Variants in CHRNB2 observed in about 807,000 individuals in gnomAD.
CHRNB2 encodes the protein neuronal acetylcholine receptor subunit beta-2.
CHRNB2 carries 33 observed loss-of-function variants against 42.7 expected under a neutral mutation model. That is an observed-to-expected ratio of 0.77 (90% CI 0.59 to 1.03). The LOEUF is 1.03. Among genes scored for constraint, CHRNB2 ranks in the 50% least tolerant of loss-of-function variants. The pLI is 0.00. For synonymous variants in CHRNB2, 325 were observed against 292.9 expected (o/e 1.11, Z -1.12); for missense variants, 603 against 700.9 (o/e 0.86, Z 1.58).
chr1:154,568,023 G>T lies in CHRNB2; in HGVS notation c.-22G>T. 2 of 1,561,572 alleles carry T rather than the reference G, an allele frequency of 1.3e-6. No homozygotes were observed. Among genetic ancestry groups the T allele is most frequent in the South Asian group, 1.2e-5 (1 of 84,832 alleles). ...GGCGCGCTCCAGCCGGTGTAGGCGA[G>T]GCAGCGAGCTATGCCCGCGGCATGG... On this transcript the variant is annotated 5_prime_UTR_variant, in exon 1 of 6. It adds an upstream start codon to the 5' untranslated region. Coordinates refer to ENST00000368476, the MANE Select transcript of CHRNB2 (RefSeq NM_000748.3).
Position 154,575,805 on chromosome 1 carries a change from T to C in CHRNB2, c.1382T>C (p.Leu461Pro), listed in dbSNP as rs1696261435. The C allele has an allele frequency of 1.2e-6, 2 of 1,614,178 alleles. No individual in the cohort carries two copies. The highest frequency in any genetic ancestry group is 1.7e-5 in the Admixed American group (1 of 60,026). ...WKYVAMVIDR[L>P]FLWIFVFVCV... The stretch of plus-strand genomic sequence containing the variant: ...TACGTCGCCATGGTGATCGACCGCC[T>C]CTTCCTCTGGATCTTTGTCTTTGTC... The change falls in exon 6 of 6, where the codon CTC becomes CCC. Residue 461 changes from leucine to proline, a missense_variant. Around this residue, in one of 2 missense-constraint regions of CHRNB2, gnomAD observed 270 missense variants for 248.3 expected, o/e 1.09. Transcript: ENST00000368476.
intron 5 of CHRNB2, 146 bp downstream of exon 5, chr1:154,572,307 T>C: frequency 1.3e-5 from 19 of 1,473,748 alleles, no homozygotes; most frequent in Non-Finnish European, 1.7e-5. Flanking sequence ...GTTGCGGGCC[T>C]GGGTGCTGGC....
In CHRNB2 at chr1:154,571,195, C is replaced by T. The variant is rs151054217; in HGVS notation, c.372C>T (p.Asp124=). 40 of 1,614,060 alleles carry T rather than the reference C, an allele frequency of 2.5e-5. No homozygotes were observed. Among genetic ancestry groups the T allele is most frequent in the East Asian group, 4.5e-5 (2 of 44,896 alleles). The part of the protein sequence containing the change: ...LPDVVLYNNA[D]GMYEVSFYSN... ...TGTGCCCATCCTTTGGCAGTGCTGA[C>T]GGCATGTACGAGGTGTCCTTCTATT... The change falls in exon 5 of 6, where the codon GAC becomes GAT. Residue 124 remains aspartate, a synonymous_variant. Coordinates refer to ENST00000368476, the MANE Select transcript of CHRNB2 (RefSeq NM_000748.3). This position sits in a 1 kb window ranked among gnomAD's most constrained non-coding sequence, Gnocchi z 6.8.
intron 3 of CHRNB2, 65 bp from the exon 4 acceptor site, chr1:154,570,193 G>C: frequency 8.9e-7 from 1 of 1,123,096 alleles, no homozygotes; most frequent in Non-Finnish European, 1.3e-6. Context: ...CCTCTAGTTC[G>C]TTTCCTTAAC....
At chr1:154,575,387 A>C (rs919433967) in intron 5 of CHRNB2, among the ~76,000 whole-genome samples, 1 of 152,184 alleles carries the variant, frequency 6.6e-6, no homozygotes, top group African/African-American at 2.4e-5. Context: ...TGGGCTTTGA[A>C]AGATATGTAG....
intron 5 of CHRNB2, among the ~76,000 whole-genome samples, chr1:154,572,673 CGGGGTTAGAGAT>C (rs1553204528): frequency 1.3e-5 from 2 of 151,862 alleles, no homozygotes; most frequent in Non-Finnish European, 2.9e-5. Context: ...GCGTTGGTGG[CGGGGTTAGAGAT>C]TCCAGGAGCC....
In CHRNB2 at chr1:154,568,012, G is replaced by A. The variant is rs765878419; in HGVS notation, c.-33G>A. The A allele has an allele frequency of 3.3e-6, 5 of 1,524,566 alleles. No homozygotes were observed. The highest frequency in any genetic ancestry group is 2.6e-5 in the East Asian group (1 of 38,242). The allele number at this position is 1,524,566 out of a possible 1,614,324, so 94.4% of individuals were successfully genotyped here. A position where few individuals can be genotyped will look rare whatever the true frequency, so the allele number is the denominator to read the frequency against. On this transcript the variant is annotated 5_prime_UTR_variant, in exon 1 of 6. Coordinates refer to ENST00000368476, the MANE Select transcript of CHRNB2 (RefSeq NM_000748.3). The stretch of plus-strand genomic sequence containing the variant: ...CTCCCCCCGGCGGCGCGCTCCAGCC[G>A]GTGTAGGCGAGGCAGCGAGCTATGC...
intron 1 of CHRNB2, among the ~76,000 whole-genome samples, chr1:154,569,006 C>T (rs905052264): frequency 6.6e-6 from 1 of 151,496 alleles, no homozygotes; most frequent in East Asian, 2.0e-4. Flanking sequence ...TGTGTCCCAC[C>T]ACACATACAC....
intron 2 of CHRNB2, 82 bp from the exon 3 acceptor site, chr1:154,569,710 G>A (rs951049543): frequency 1.2e-6 from 2 of 1,612,538 alleles, no homozygotes; most frequent in Non-Finnish European, 1.7e-6. Flanking sequence ...AAGGCTTGGG[G>A]AGGTGTGAGA....
intron 5 of CHRNB2, among the ~76,000 whole-genome samples, chr1:154,575,006 T>C (rs930618103): frequency 6.6e-6 from 1 of 152,208 alleles, no homozygotes; most frequent in Non-Finnish European, 1.5e-5. Flanking sequence ...CAGACAGCAT[T>C]ATCTTTTTGA....
intron 5 of CHRNB2, among the ~76,000 whole-genome samples, chr1:154,572,980 C>T (rs1041793081): frequency 6.6e-6 from 1 of 152,198 alleles, no homozygotes; most frequent in African/African-American, 2.4e-5. Flanking sequence ...CAGTCTCTGG[C>T]TACCTGGCTG....
At position 154,575,761 on chromosome 1, in the gene CHRNB2, GGTGA is replaced by G. The variant is rs1696260248; in HGVS notation, c.1344_1347del (p.Ser448ArgfsTer9). ...GGGCCTCCTCCGTCTCCTCCATCCA[GGTGA>G]GTGAGGACTGGAAGTACGTCGCCAT... On this transcript the variant is annotated frameshift_variant and splice_region_variant, in exon 6 of 6. Transcript: ENST00000368476. LOFTEE classifies it high-confidence loss of function. The G allele has an allele frequency of 1.2e-6, 2 of 1,614,114 alleles. No homozygotes were observed. Among genetic ancestry groups the G allele is most frequent in the Non-Finnish European group, 1.7e-6 (2 of 1,180,022 alleles).
Position 154,575,830 on chromosome 1 carries a change from CTG to C in CHRNB2, c.1411_1412del (p.Val471LeufsTer134), listed in dbSNP as rs1696262234. 1.2e-6 allele frequency: 2 copies of C among 1,614,176 alleles called. No individual in the cohort carries two copies. The highest frequency in any genetic ancestry group is 1.3e-5 in the African/African-American group (1 of 75,020). Reference sequence around the variant, plus strand: ...TCTTCCTCTGGATCTTTGTCTTTGTCTGTGTCTTTGGCACCATCGGCATGTTC... The same window carrying C: ...TCTTCCTCTGGATCTTTGTCTTTGTCTGTCTTTGGCACCATCGGCATGTTC... ...RLFLWIFVFV[C>X]VFGTIGMFLQ... On this transcript the variant is annotated frameshift_variant, in exon 6 of 6. Coordinates refer to ENST00000368476, the MANE Select transcript of CHRNB2 (RefSeq NM_000748.3). LOFTEE classifies it high-confidence loss of function.
chr1:154,571,999 C>A lies in CHRNB2; in HGVS notation c.1176C>A (p.Asn392Lys), dbSNP rs560427247. Residue 392 changes from asparagine (N) to lysine (K), a missense_variant, in exon 5 of 6, where the codon AAC (asparagine) becomes AAA (lysine). Physicochemically the swap from Asn to Lys is moderately conservative, Grantham distance 94 (BLOSUM62 0). Transcript: ENST00000368476. The surrounding 1 kb of genome is among the most constrained non-coding windows in gnomAD (Gnocchi z 6.8). Reference sequence around the variant, plus strand: ...CCGACTCCTGCACGTGCTTCGTCAACCGCGCGTCGGTGCAGGGGTTGGCCG... The same window carrying A: ...CCGACTCCTGCACGTGCTTCGTCAAACGCGCGTCGGTGCAGGGGTTGGCCG... Reference protein sequence around the residue: ...PGADSCTCFVNRASVQGLAGA... With the variant: ...PGADSCTCFVKRASVQGLAGA... The A allele has an allele frequency of 1.2e-5, 18 of 1,535,554 alleles. No individual in the cohort carries two copies. In the East Asian group the frequency reaches 1.5e-4, roughly 13 times the overall value.
At chr1:154,568,233 T>C (rs1696097673) in intron 1 of CHRNB2, 125 bp downstream of exon 1, 3 of 1,203,540 alleles carry the variant, frequency 2.5e-6, no homozygotes, top group Admixed American at 4.0e-5. Context: ...GGTGGGGGAG[T>C]CTGCTGGAGG....
chr1:154,576,023 GA>G lies in CHRNB2; in HGVS notation c.*92del. 4.0e-6 allele frequency: 6 copies of G among 1,516,030 alleles called. No individual in the cohort carries two copies. The South Asian group carries it at 6.8e-5, about 17-fold the overall frequency. The allele number at this position is 1,516,030 out of a possible 1,614,324, so 93.9% of individuals were successfully genotyped here. A position where few individuals can be genotyped will look rare whatever the true frequency, so the allele number is the denominator to read the frequency against. On this transcript the variant is annotated 3_prime_UTR_variant, in exon 6 of 6. Coordinates refer to ENST00000368476, the MANE Select transcript of CHRNB2 (RefSeq NM_000748.3). ...GGATGGACGAGTGAGCTACCAGGAA[GA>G]GGGGCGCTGCCCCCACAGATCCATC...
intron 3 of CHRNB2, 50 bp from the exon 4 acceptor site, chr1:154,570,208 A>G: frequency 1.6e-6 from 2 of 1,275,298 alleles, no homozygotes; most frequent in Non-Finnish European, 2.3e-6. Flanking sequence ...CTTAACCTTG[A>G]GCCCCACCCA....
At chr1:154,572,269 AG>A in intron 5 of CHRNB2, 108 bp downstream of exon 5, 3 of 1,509,804 alleles carry the variant, frequency 2.0e-6, no homozygotes, top group Non-Finnish European at 2.7e-6. Context: ...GTAGGAGTGT[AG>A]GGGAGGAAAA....
At chr1:154,573,591 G>C (rs746191662) in intron 5 of CHRNB2, among the ~76,000 whole-genome samples, 8 of 152,080 alleles carry the variant, frequency 5.3e-5, no homozygotes, top group African/African-American at 9.7e-5. Context: ...CTAACACCCT[G>C]GTTCTAGGAC....
Sources: gnomAD v4.1 joint callset for allele counts (sites outside exome capture counted in the v4.1 genomes callset) on GRCh38, gnomAD v4.1.1 for gene constraint, gnomAD v4.1.1 regional missense constraint, Gnocchi (gnomAD v3.1) non-coding constraint, MANE v1.5 for transcripts, NCBI Gene and HGNC (gene_info 2026-07-23, HGNC 2026-07-21) for gene names.